SORCS1: variants seen among roughly 807,000 people sequenced by gnomAD.
The protein encoded by SORCS1 is sortilin related VPS10 domain containing receptor 1, also known as VPS10 domain-containing receptor SorCS1.
Under a neutral mutation model 146.1 loss-of-function variants are expected in SORCS1, and 60 were observed. That is an observed-to-expected ratio of 0.41 (90% confidence interval 0.33 to 0.51). The LOEUF is 0.51. Among genes scored for constraint, SORCS1 ranks in the 20% least tolerant of loss-of-function variants. The pLI is 0.21. For synonymous variants in SORCS1, 637 were observed against 584.0 expected (o/e 1.09, Z -1.31); for missense variants, 1,352 against 1,487.6 (o/e 0.91, Z 1.50).
intron 8 of SORCS1, 60 bp downstream of exon 8, chr10:106,706,485 G>A (rs1054500776): frequency 1.3e-6 from 2 of 1,507,404 alleles, no homozygotes; most frequent in Non-Finnish European, 1.8e-6. Context: ...GAAAGGGATG[G>A]AGGCTGGCTT....
chr10:106,786,407 C>A (rs568539599), intron 3 of SORCS1, among the ~76,000 whole-genome samples: 69 of 152,242 alleles, frequency 4.5e-4, no homozygotes, highest in African/African-American at 1.6e-3. Context: ...CTCCAGGACC[C>A]CCCATGTGGC....
At chr10:107,170,104 A>T in the SORCS1 span, among the ~76,000 whole-genome samples, 2 of 152,314 alleles carry the variant, frequency 1.3e-5, no homozygotes, top group South Asian at 2.1e-4. Context: ...TTTACCAAAA[A>T]GTCTGAGAAT....
chr10:106,651,708 G>A (rs567319758), intron 18 of SORCS1, among the ~76,000 whole-genome samples: 61 of 152,320 alleles, frequency 4.0e-4, no homozygotes, highest in Admixed American at 3.9e-3. Context: ...TTTAATGTAA[G>A]TACTTATCCT....
At chr10:106,902,999 A>C (rs1951774482) in intron 2 of SORCS1, among the ~76,000 whole-genome samples, 2 of 152,088 alleles carry the variant, frequency 1.3e-5, no homozygotes, top group Non-Finnish European at 2.9e-5. Flanking sequence ...AATCGCTTGA[A>C]CTCAGGAGGT....
intron 4 of SORCS1, 45 bp downstream of exon 4, chr10:106,776,489 C>G (rs143546993): frequency 1.2e-6 from 2 of 1,606,560 alleles, no homozygotes; most frequent in South Asian, 2.2e-5. Flanking sequence ...CTATTTTCCC[C>G]GGAGAACCAT....
At chr10:106,703,967 A>G (rs903810363) in intron 8 of SORCS1, among the ~76,000 whole-genome samples, 6 of 152,222 alleles carry the variant, frequency 3.9e-5, no homozygotes, top group African/African-American at 1.4e-4. Flanking sequence ...TGAGTAATGG[A>G]ACATGCTCTT....
At chr10:107,153,762 A>C (rs1969036860) in intron 1 of SORCS1, among the ~76,000 whole-genome samples, 1 of 152,190 alleles carries the variant, frequency 6.6e-6, no homozygotes, top group Non-Finnish European at 1.5e-5. Flanking sequence ...TCTCTCTTTC[A>C]TTTATTTTCA....
At chr10:106,994,409 T>C (rs1956909761) in intron 1 of SORCS1, among the ~76,000 whole-genome samples, 1 of 152,166 alleles carries the variant, frequency 6.6e-6, no homozygotes, top group Non-Finnish European at 1.5e-5. Flanking sequence ...CAGTGCTAAG[T>C]AATCCGGGAA....
intron 1 of SORCS1, among the ~76,000 whole-genome samples, chr10:107,098,166 T>A (rs1964663474): frequency 6.6e-6 from 1 of 152,214 alleles, no homozygotes; most frequent in Non-Finnish European, 1.5e-5. Context: ...AGGCATAATA[T>A]CCAGGTTGCC....
chr10:106,853,287 T>C (rs1381953748), intron 2 of SORCS1, among the ~76,000 whole-genome samples: 1 of 152,154 alleles, frequency 6.6e-6, no homozygotes, highest in African/African-American at 2.4e-5. Flanking sequence ...TTATTGTCTC[T>C]TTAGTATCCA....
At chr10:106,927,556 G>T in intron 2 of SORCS1, among the ~76,000 whole-genome samples, 1 of 151,636 alleles carries the variant, frequency 6.6e-6, no homozygotes, top group Non-Finnish European at 1.5e-5. Context: ...CTGCTAGCTC[G>T]GGCAGCCTGT....
intron 1 of SORCS1, among the ~76,000 whole-genome samples, chr10:106,965,506 C>T (rs1402857933): frequency 1.3e-5 from 2 of 152,108 alleles, no homozygotes; most frequent in South Asian, 2.1e-4. Context: ...TTCAGTAAGT[C>T]GCCTGAGTCC....
rs12359857 is a variant in SORCS1 at position 106,870,719 on chromosome 10, C to T, written c.627-41046G>A. Among the ~76,000 whole-genome samples, 242 of 152,122 alleles carry T rather than the reference C, an allele frequency of 1.6e-3. 1 individual carries two copies. The highest frequency in any genetic ancestry group is 5.0e-3 in the African/African-American group (208 of 41,520). On this transcript the variant is annotated intron_variant, in intron 2 of 25. Coordinates refer to ENST00000263054, the MANE Select transcript of SORCS1 (RefSeq NM_052918.5). ...GGATTAAAGACTTAAATGAACAACT[C>T]GAAACTATAGAAATCTTGGAAGACA... is the stretch of plus-strand genomic sequence containing the variant.
intron 2 of SORCS1, among the ~76,000 whole-genome samples, chr10:106,921,105 C>A (rs1420573369): frequency 6.6e-6 from 1 of 152,180 alleles, no homozygotes; most frequent in Non-Finnish European, 1.5e-5. Flanking sequence ...CATCAGATCT[C>A]AATCTACAAA....
At chr10:107,047,152 C>T (rs374373462) in intron 1 of SORCS1, among the ~76,000 whole-genome samples, 17 of 152,188 alleles carry the variant, frequency 1.1e-4, no homozygotes, top group African/African-American at 4.1e-4. Flanking sequence ...CCACACCTGG[C>T]TACTTTTCGT....
chr10:106,948,351 G>C (rs892095083), intron 2 of SORCS1, among the ~76,000 whole-genome samples: 1 of 151,778 alleles, frequency 6.6e-6, no homozygotes, highest in Non-Finnish European at 1.5e-5. Context: ...TTACTTTTGT[G>C]ATTTTTTTTA....
intron 2 of SORCS1, among the ~76,000 whole-genome samples, chr10:106,872,090 A>G: frequency 6.6e-6 from 1 of 152,260 alleles, no homozygotes; most frequent in South Asian, 2.1e-4. Flanking sequence ...TGAACAATAA[A>G]CAAACATATA....
chr10:106,810,399 T>C (rs1259968128), intron 3 of SORCS1, among the ~76,000 whole-genome samples: 1 of 152,230 alleles, frequency 6.6e-6, no homozygotes, highest in African/African-American at 2.4e-5. Context: ...CCTGCAATTT[T>C]TTAAAAAAAT....
intron 3 of SORCS1, among the ~76,000 whole-genome samples, chr10:106,801,098 T>A (rs1454047748): frequency 6.6e-6 from 1 of 152,266 alleles, no homozygotes; most frequent in Admixed American, 6.5e-5. Flanking sequence ...CAATGTCTGA[T>A]GATTGAATGG....
Sources: allele counts gnomAD v4.1 joint callset (sites outside exome capture counted in the v4.1 genomes callset), GRCh38; gene constraint gnomAD v4.1.1; transcripts MANE v1.5; gene names NCBI Gene and HGNC (gene_info 2026-07-23, HGNC 2026-07-21).